Variants in KAT6B observed in about 807,000 individuals in gnomAD.
KAT6B encodes the protein histone acetyltransferase KAT6B.
In KAT6B, 10 loss-of-function variants were observed where a neutral mutation model predicts 187.5. That is an observed-to-expected ratio of 0.05 (90% CI 0.03 to 0.09). The LOEUF is 0.09. KAT6B is among the 10% of genes least tolerant of loss of function. The probability of loss-of-function intolerance (pLI) is 1.00; values close to 1 mark genes in which losing one functional copy is unlikely to be tolerated. For missense variants in KAT6B, 1,952 were observed against 2,558.9 expected, an observed-to-expected ratio of 0.76 and a Z score of 5.12; for synonymous variants, 861 against 926.8, an observed-to-expected ratio of 0.93 and a Z score of 1.29.
chr10:75,020,568 T>A lies in KAT6B; in HGVS notation c.2630-14T>A. On this transcript the variant is annotated splice_polypyrimidine_tract_variant and intron_variant, in intron 13 of 17. Transcript: ENST00000287239. ...GCCACAGTGAGGAATGCCCATTTAT[T>A]TTTTCTGCCCTAGGCTATTTGCTTT... is the stretch of plus-strand genomic sequence containing the variant. 2 of 1,600,314 alleles carry A rather than the reference T, an allele frequency of 1.2e-6. No individual in the cohort carries two copies. The highest frequency in any genetic ancestry group is 1.7e-6 in the Non-Finnish European group (2 of 1,167,430).
intron 12 of KAT6B, among the ~76,000 whole-genome samples, chr10:74,987,442 A>G (rs1842878247): frequency 1.3e-5 from 2 of 151,992 alleles, no homozygotes; most frequent in African/African-American, 2.4e-5. Context: ...AAAAAAAAAG[A>G]CTAGATGAAA....
chr10:74,923,748 G>T (rs1848305460), intron 3 of KAT6B, among the ~76,000 whole-genome samples: 1 of 152,154 alleles, frequency 6.6e-6, no homozygotes, highest in Non-Finnish European at 1.5e-5. Context: ...TGGGAGGAAG[G>T]TCTCAGCACA....
At chr10:75,022,346 G>A (rs1266689230) in intron 16 of KAT6B, 115 bp downstream of exon 16, 1 of 1,099,598 alleles carries the variant, frequency 9.1e-7, no homozygotes, top group Admixed American at 1.7e-5. Flanking sequence ...CGTAGTTTAT[G>A]TGTACCCAGT....
rs1482979784 is a variant in KAT6B, at chr10:75,030,418, C to T, written c.5594C>T (p.Pro1865Leu). 1 of 1,614,254 alleles carries T rather than the reference C, an allele frequency of 6.2e-7. No homozygotes were observed. Among genetic ancestry groups the T allele is most frequent in the African/African-American group, 1.3e-5 (1 of 75,062 alleles). Reference protein sequence around the residue: ...NTGLVQLSQSPHSVPGGPQAQ... With the variant: ...NTGLVQLSQSLHSVPGGPQAQ... ...GGGCTTGTTCAACTTTCTCAGTCTC[C>T]ACACTCCGTCCCTGGGGGACCCCAA... The change falls in exon 18 of 18, where the codon CCA becomes CTA. Residue 1865 changes from proline to leucine, a missense_variant. Pro to Leu is a moderately conservative substitution (Grantham distance 98). Transcript: ENST00000287239. The surrounding 1 kb of genome is among the most constrained non-coding windows in gnomAD (Gnocchi z 4.8).
At chr10:74,912,985 C>T (rs547195420) in intron 3 of KAT6B, among the ~76,000 whole-genome samples, 1 of 152,210 alleles carries the variant, frequency 6.6e-6, no homozygotes, top group South Asian at 2.1e-4. Flanking sequence ...AAAAGTGGAT[C>T]TAACTGTCAA....
At chr10:74,959,843 T>C (rs1328922583) in intron 3 of KAT6B, 127 bp from the exon 4 acceptor site, 3 of 697,116 alleles carry the variant, frequency 4.3e-6, no homozygotes, top group Non-Finnish European at 2.5e-6. Flanking sequence ...AAATACGTTA[T>C]TTAGCAGTTT....
intron 1 of KAT6B, among the ~76,000 whole-genome samples, chr10:74,837,847 A>ATT (rs10605934): frequency 7.0e-6 from 1 of 142,198 alleles, no homozygotes; most frequent in South Asian, 2.2e-4. Context: ...CTAGCTGTGT[A>ATT]TTTTTTTTTT....
At chr10:74,999,055 T>G (rs1242939134) in intron 13 of KAT6B, among the ~76,000 whole-genome samples, 1 of 152,254 alleles carries the variant, frequency 6.6e-6, no homozygotes, top group Non-Finnish European at 1.5e-5. Context: ...CTAGATGACC[T>G]CTGGAATTAG....
upstream of KAT6B, among the ~76,000 whole-genome samples, chr10:74,824,955 C>T (rs901329957): frequency 2.0e-5 from 3 of 152,132 alleles, no homozygotes; most frequent in African/African-American, 7.2e-5. Flanking sequence ...CTGAGCTCGC[C>T]AGCTCCTCGC....
chr10:74,853,856 C>T (rs1447644004), intron 3 of KAT6B, among the ~76,000 whole-genome samples: 4 of 149,830 alleles, frequency 2.7e-5, no homozygotes, highest in African/African-American at 4.9e-5. Context: ...GTCTCGAACT[C>T]CTGACCTTGT....
intron 3 of KAT6B, among the ~76,000 whole-genome samples, chr10:74,913,213 C>G (rs1028953533): frequency 2.0e-5 from 3 of 152,134 alleles, no homozygotes; most frequent in African/African-American, 4.8e-5. Context: ...AAACTCCAAA[C>G]AAGATTTTGA....
chr10:74,927,771 C>T (rs1042667922), intron 3 of KAT6B, among the ~76,000 whole-genome samples: 1 of 152,124 alleles, frequency 6.6e-6, no homozygotes, highest in Non-Finnish European at 1.5e-5. Context: ...GCAATTTCCT[C>T]AGTGATCCTT....
At position 75,029,989 on chromosome 10, in the gene KAT6B, C is replaced by G. The variant is rs986357679; in HGVS notation, c.5165C>G (p.Thr1722Ser). 3.7e-6 allele frequency: 6 copies of G among 1,614,216 alleles called. No individual in the cohort carries two copies. Among genetic ancestry groups the G allele is most frequent in the Non-Finnish European group, 5.1e-6 (6 of 1,180,026 alleles). ...CTGACACAGAGCAGCTGTGCTGTCACCCAGCAGATGTCCAACATCAGCGGG... is the reference window on the plus strand; with the variant it reads ...CTGACACAGAGCAGCTGTGCTGTCAGCCAGCAGATGTCCAACATCAGCGGG... ...SSLTQSSCAV[T>S]QQMSNISGSC... The change falls in exon 18 of 18, where the codon ACC becomes AGC. Residue 1722 changes from threonine to serine, a missense_variant. By Grantham distance (58) the Thr-to-Ser change is moderately conservative. Transcript: ENST00000287239. This position sits in a 1 kb window ranked among gnomAD's most constrained non-coding sequence, Gnocchi z 6.2.
intron 13 of KAT6B, among the ~76,000 whole-genome samples, chr10:75,008,390 A>G (rs1314421571): frequency 6.6e-6 from 1 of 152,234 alleles, no homozygotes; most frequent in Non-Finnish European, 1.5e-5. Context: ...TAGAGAAAAG[A>G]TGTTAAAAGT....
At chr10:74,875,671 G>A (rs1167816504) in intron 3 of KAT6B, among the ~76,000 whole-genome samples, 17 of 151,952 alleles carry the variant, frequency 1.1e-4, no homozygotes, top group Admixed American at 1.0e-3. Flanking sequence ...TCACCATGCC[G>A]GCCAGGCTGA....
At chr10:75,023,323 C>T (rs766597666) in intron 16 of KAT6B, among the ~76,000 whole-genome samples, 11 of 152,230 alleles carry the variant, frequency 7.2e-5, no homozygotes, top group African/African-American at 1.2e-4. Flanking sequence ...CCCAGCTCAG[C>T]GCTCTTCTAG....
At chr10:74,865,997 T>G (rs1296902146) in intron 3 of KAT6B, among the ~76,000 whole-genome samples, 1 of 152,080 alleles carries the variant, frequency 6.6e-6, no homozygotes, top group Non-Finnish European at 1.5e-5. Context: ...GGATGCAAAA[T>G]GCACACATAC....
At chr10:74,880,279 A>G (rs904579462) in intron 3 of KAT6B, among the ~76,000 whole-genome samples, 1 of 152,312 alleles carries the variant, frequency 6.6e-6, no homozygotes, top group Non-Finnish European at 1.5e-5. Flanking sequence ...TTCTGTCTCT[A>G]TAACTTTGCG....
chr10:74,889,376 G>A (rs1161626135), intron 3 of KAT6B, among the ~76,000 whole-genome samples: 1 of 152,154 alleles, frequency 6.6e-6, no homozygotes, highest in East Asian at 1.9e-4. Flanking sequence ...GAACTTTAAG[G>A]CCTGGATGGT....
Sources: allele counts gnomAD v4.1 joint callset (sites outside exome capture counted in the v4.1 genomes callset), GRCh38; gene constraint gnomAD v4.1.1; non-coding constraint Gnocchi (gnomAD v3.1); transcripts MANE v1.5; gene names NCBI Gene and HGNC (gene_info 2026-07-23, HGNC 2026-07-21).